Variants in KLF12 observed in about 807,000 individuals in gnomAD.
The protein encoded by KLF12 is Krueppel-like factor 12.
A neutral mutation model predicts 37.8 loss-of-function variants in KLF12; 9 were observed. The observed-to-expected ratio is 0.24, with a 90% CI of 0.14 to 0.42. KLF12 has a LOEUF of 0.42. Among genes scored for constraint, KLF12 ranks in the 10% least tolerant of loss-of-function variants. The pLI is 1.00. For synonymous variants in KLF12, 208 were observed against 202.1 expected (o/e 1.03, Z -0.25); for missense variants, 411 against 516.0 (o/e 0.80, Z 1.97).
chr13:73,972,559 G>C (rs1010720553), intron 2 of KLF12, among the ~76,000 whole-genome samples: 1 of 148,662 alleles, frequency 6.7e-6, no homozygotes, highest in Non-Finnish European at 1.5e-5. Flanking sequence ...GGTTGATTCT[G>C]GGTTTCTTAT....
intron 1 of KLF12, among the ~76,000 whole-genome samples, chr13:74,117,373 T>G (rs1264667963): frequency 6.6e-6 from 1 of 152,176 alleles, no homozygotes. Context: ...GAAAGTGGTC[T>G]TTGGTCAAAA....
the KLF12 span, among the ~76,000 whole-genome samples, chr13:74,165,681 A>G: frequency 6.6e-6 from 1 of 152,210 alleles, no homozygotes; most frequent in African/African-American, 2.4e-5. Flanking sequence ...TCAACATCAC[A>G]GACAGGAGGG....
the KLF12 span, among the ~76,000 whole-genome samples, chr13:74,254,179 C>G: frequency 3.3e-5 from 5 of 151,932 alleles, no homozygotes; most frequent in Admixed American, 3.3e-4. Context: ...TTTGTTTTTG[C>G]CTTTTAGTAG....
intron 3 of KLF12, among the ~76,000 whole-genome samples, chr13:73,929,414 C>T (rs752114204): frequency 2.0e-5 from 3 of 152,178 alleles, no homozygotes; most frequent in Non-Finnish European, 4.4e-5. Context: ...GCCCAGGTTA[C>T]ACAAAGTGTC....
In KLF12 at chr13:73,947,877, A is replaced by C. The variant is rs552607655; in HGVS notation, c.34-3807T>G. Among the ~76,000 whole-genome samples the C allele has an allele frequency of 8.5e-5, 13 of 152,196 alleles. No individual in the cohort carries two copies. In the East Asian group the frequency reaches 2.5e-3, roughly 29 times the overall value. On this transcript the variant is annotated intron_variant, in intron 2 of 7. Transcript: ENST00000377669. ...CTACAATGTGCCCTCCTAACCTCCC[A>C]AGGCAGGTCATTTCCTTTCTCTCCT...
chr13:73,981,243 AC>A (rs1281326471), intron 2 of KLF12, among the ~76,000 whole-genome samples: 1 of 152,228 alleles, frequency 6.6e-6, no homozygotes, highest in Non-Finnish European at 1.5e-5. Flanking sequence ...AAATTTCTCT[AC>A]AATCCAGCAA....
intron 3 of KLF12, among the ~76,000 whole-genome samples, chr13:73,890,629 C>A (rs1054172885): frequency 2.0e-5 from 3 of 151,936 alleles, no homozygotes; most frequent in African/African-American, 7.2e-5. Context: ...CAGCCTCCTG[C>A]ACTAGGCCCC....
chr13:74,056,254 T>C (rs1436456541), intron 1 of KLF12, among the ~76,000 whole-genome samples: 4 of 152,100 alleles, frequency 2.6e-5, no homozygotes, highest in African/African-American at 7.2e-5. Flanking sequence ...CCAAGAACCA[T>C]ATTGGGTGTA....
At chr13:73,723,896 G>A (rs1876463532) in intron 6 of KLF12, among the ~76,000 whole-genome samples, 1 of 152,168 alleles carries the variant, frequency 6.6e-6, no homozygotes, top group Admixed American at 6.5e-5. Context: ...TCAGGAAACA[G>A]ATGCTGGAGA....
chr13:73,794,297 T>G (rs1881844787), intron 5 of KLF12, among the ~76,000 whole-genome samples: 1 of 152,114 alleles, frequency 6.6e-6, no homozygotes, highest in Admixed American at 6.5e-5. Flanking sequence ...CCTGTCTCTA[T>G]TAAAAATACA....
At chr13:74,165,618 C>T in the KLF12 span, among the ~76,000 whole-genome samples, 4 of 152,142 alleles carry the variant, frequency 2.6e-5, no homozygotes, top group African/African-American at 7.2e-5. Flanking sequence ...CATAGTTGCA[C>T]TTGTTCCGTG....
chr13:74,267,581 G>T, the KLF12 span, among the ~76,000 whole-genome samples: 1 of 152,330 alleles, frequency 6.6e-6, no homozygotes, highest in South Asian at 2.1e-4. Flanking sequence ...AGGCTGGAAA[G>T]TGTAGGGGGA....
At chr13:74,277,897 A>G in the KLF12 span, among the ~76,000 whole-genome samples, 1 of 152,112 alleles carries the variant, frequency 6.6e-6, no homozygotes, top group Non-Finnish European at 1.5e-5. Flanking sequence ...GGCTTCTTCT[A>G]CTCTGCCAAG....
At chr13:74,191,839 A>G in the KLF12 span, among the ~76,000 whole-genome samples, 1 of 152,212 alleles carries the variant, frequency 6.6e-6, no homozygotes, top group African/African-American at 2.4e-5. Flanking sequence ...ATATATATAT[A>G]AAATGTAAAT....
intron 5 of KLF12, among the ~76,000 whole-genome samples, chr13:73,790,743 T>C (rs1349135499): frequency 6.6e-6 from 1 of 152,190 alleles, no homozygotes. Context: ...TTTCCCTCCT[T>C]ACAGTCTAAT....
the KLF12 span, among the ~76,000 whole-genome samples, chr13:74,176,562 T>C: frequency 1.3e-5 from 2 of 152,194 alleles, no homozygotes; most frequent in African/African-American, 4.8e-5. Flanking sequence ...AACCTTCAGC[T>C]CAGACTTACC....
chr13:74,038,417 G>A (rs1396674098), intron 1 of KLF12, among the ~76,000 whole-genome samples: 1 of 152,164 alleles, frequency 6.6e-6, no homozygotes, highest in African/African-American at 2.4e-5. Context: ...GACACAACAT[G>A]ATATGATCTT....
intron 6 of KLF12, among the ~76,000 whole-genome samples, chr13:73,761,335 G>A (rs1269620527): frequency 6.6e-6 from 1 of 152,096 alleles, no homozygotes; most frequent in Non-Finnish European, 1.5e-5. Context: ...ATTATTATGA[G>A]CTACAGGCAA....
intron 1 of KLF12, among the ~76,000 whole-genome samples, chr13:74,130,794 G>C (rs1053188917): frequency 2.6e-5 from 4 of 152,164 alleles, no homozygotes; most frequent in Non-Finnish European, 5.9e-5. Flanking sequence ...TTTCAAATGA[G>C]TTTGTGCCAT....
Sources: allele counts gnomAD v4.1 joint callset (sites outside exome capture counted in the v4.1 genomes callset), GRCh38; gene constraint gnomAD v4.1.1; transcripts MANE v1.5; gene names NCBI Gene and HGNC (gene_info 2026-07-23, HGNC 2026-07-21).